LEMD3: variants seen among roughly 807,000 people sequenced by gnomAD.
LEMD3 encodes LEM domain containing 3, also known as inner nuclear membrane protein Man1.
Under a neutral mutation model 95.2 loss-of-function variants are expected in LEMD3, and 33 were observed. The observed-to-expected ratio is 0.35, with a 90% CI of 0.26 to 0.46. LEMD3 has a LOEUF of 0.46. Ranked by LOEUF, LEMD3 falls within the 20% of genes least tolerant of loss-of-function variation. The pLI is 1.00. For missense variants in LEMD3, 1,210 were observed against 1,192.8 expected (o/e 1.01, Z -0.21); for synonymous variants, 525 against 474.6 (o/e 1.11, Z -1.38).
intron 1 of LEMD3, among the ~76,000 whole-genome samples, chr12:65,172,826 A>G (rs548293366): frequency 2.0e-4 from 30 of 151,850 alleles, no homozygotes; most frequent in Admixed American, 6.6e-4. Context: ...CCTGGGTTCA[A>G]GTGATTCTCC....
chr12:65,192,653 A>G (rs1057139718), intron 1 of LEMD3, among the ~76,000 whole-genome samples: 1 of 152,132 alleles, frequency 6.6e-6, no homozygotes, highest in Non-Finnish European at 1.5e-5. Flanking sequence ...TTTTAGAAGC[A>G]TGTGCTTCTT....
chr12:65,244,982 A>G (rs540787910), intron 10 of LEMD3, among the ~76,000 whole-genome samples: 6 of 152,244 alleles, frequency 3.9e-5, no homozygotes, highest in Non-Finnish European at 7.4e-5. Context: ...TACAACTTTA[A>G]TAAGTTCACA....
chr12:65,219,760 C>T (rs1262225575), intron 4 of LEMD3, among the ~76,000 whole-genome samples: 3 of 152,138 alleles, frequency 2.0e-5, no homozygotes, highest in African/African-American at 7.2e-5. Flanking sequence ...TTTCTTCCTC[C>T]ATCAGTGTGA....
In LEMD3 at chr12:65,240,189, T is replaced by C. The variant is rs1258401589; in HGVS notation, c.2077T>C (p.Tyr693His). The stretch of plus-strand genomic sequence containing the variant: ...CCAGGAAAACAAAGATTTACAACCT[T>C]ACATGCCTATTCCACATGTACGCGA... ...ACQENKDLQP[Y>H]MPIPHVRDSL... Residue 693 changes from tyrosine to histidine, a missense_variant, in exon 8 of 13, where the codon TAC (tyrosine) becomes CAC (histidine). Tyr to His is a moderately conservative substitution (Grantham distance 83). Transcript: ENST00000308330. 6.2e-7 allele frequency: 1 copy of C among 1,613,806 alleles called. No individual in the cohort carries two copies. The highest frequency in any genetic ancestry group is 8.5e-7 in the Non-Finnish European group (1 of 1,179,864).
intron 4 of LEMD3, among the ~76,000 whole-genome samples, chr12:65,225,937 G>A (rs1004731937): frequency 6.6e-6 from 1 of 152,122 alleles, no homozygotes; most frequent in Non-Finnish European, 1.5e-5. Flanking sequence ...AGTCCTATCC[G>A]CATTTTGAAT....
chr12:65,248,048 A>C lies in LEMD3; in HGVS notation c.*1723A>C, dbSNP rs1871168463. The C allele has an allele frequency of 6.6e-6, 1 of 152,534 alleles. No individual in the cohort carries two copies. Among genetic ancestry groups the C allele is most frequent in the Non-Finnish European group, 1.5e-5 (1 of 68,004 alleles). 9.4% of individuals were successfully genotyped at this position (152,534 alleles called of 1,614,324 possible). A position where few individuals can be genotyped will look rare whatever the true frequency, so the allele number is the denominator to read the frequency against. On this transcript the variant is annotated 3_prime_UTR_variant, in exon 13 of 13. Coordinates refer to ENST00000308330, the MANE Select transcript of LEMD3 (RefSeq NM_014319.5). The stretch of plus-strand genomic sequence containing the variant: ...CCTGTTGCAAGAGTGAATGTAAAAA[A>C]TAGTTGTGGCATTTTAAAAGGTCGC...
chr12:65,234,936 T>C (rs997214400), intron 4 of LEMD3, among the ~76,000 whole-genome samples: 5 of 152,196 alleles, frequency 3.3e-5, no homozygotes, highest in African/African-American at 1.2e-4. Flanking sequence ...CTGAAACTTA[T>C]GTTTATAGTC....
In LEMD3 at chr12:65,169,685, C is replaced by T; in HGVS notation, c.89C>T (p.Pro30Leu). ...CGCCGTTACGGCCTGTCTCCCGGAC[C>T]AGTGACGGAGAGCACCCGCCCGGTC... ...QLRRYGLSPG[P>L]VTESTRPVYL... Residue 30 changes from proline to leucine, a missense_variant, in exon 1 of 13, where the codon CCA becomes CTA. Coordinates refer to ENST00000308330, the MANE Select transcript of LEMD3 (RefSeq NM_014319.5). The T allele has an allele frequency of 6.3e-7, 1 of 1,586,256 alleles. No homozygotes were observed. Among genetic ancestry groups the T allele is most frequent in the Non-Finnish European group, 8.6e-7 (1 of 1,167,048 alleles).
At chr12:65,185,209 T>A (rs1433872103) in intron 1 of LEMD3, among the ~76,000 whole-genome samples, 1 of 152,128 alleles carries the variant, frequency 6.6e-6, no homozygotes, top group African/African-American at 2.4e-5. Flanking sequence ...TCATAAAAAT[T>A]GTATGATTTT....
intron 1 of LEMD3, among the ~76,000 whole-genome samples, chr12:65,190,756 C>G (rs977855054): frequency 3.3e-5 from 5 of 152,162 alleles, no homozygotes; most frequent in East Asian, 3.9e-4. Flanking sequence ...AATAAACTTT[C>G]AAAATTGATT....
At chr12:65,202,788 T>C (rs1776446203) in intron 1 of LEMD3, among the ~76,000 whole-genome samples, 1 of 152,206 alleles carries the variant, frequency 6.6e-6, no homozygotes, top group Admixed American at 6.5e-5. Context: ...AGATTGTGTC[T>C]TTCGAGGAAT....
At chr12:65,212,164 T>C (rs1398859312) in intron 2 of LEMD3, among the ~76,000 whole-genome samples, 1 of 151,962 alleles carries the variant, frequency 6.6e-6, no homozygotes, top group Non-Finnish European at 1.5e-5. Flanking sequence ...CCATCAGATC[T>C]CACGAGACTT....
At chr12:65,208,607 T>G (rs1869834733) in intron 1 of LEMD3, among the ~76,000 whole-genome samples, 1 of 152,140 alleles carries the variant, frequency 6.6e-6, no homozygotes, top group African/African-American at 2.4e-5. Flanking sequence ...CTGAAATGAT[T>G]TGGGGAAAGA....
chr12:65,246,847 A>G lies in LEMD3; in HGVS notation c.*522A>G, dbSNP rs1331005497. 6.2e-6 allele frequency: 1 copy of G among 160,148 alleles called. No homozygotes were observed. Among genetic ancestry groups the G allele is most frequent in the Non-Finnish European group, 1.4e-5 (1 of 72,992 alleles). The allele number at this position is 160,148 out of a possible 1,614,324, so 9.9% of individuals were successfully genotyped here. On this transcript the variant is annotated 3_prime_UTR_variant, in exon 13 of 13. Transcript: ENST00000308330. ...AATATGGGAAAATTAATTTGGGCTT[A>G]GTGGTTACAAATATGTGTAAGTGGA...
chr12:65,216,677 G>A (rs1052276884), intron 3 of LEMD3, among the ~76,000 whole-genome samples: 1 of 149,636 alleles, frequency 6.7e-6, no homozygotes, highest in Admixed American at 6.7e-5. Context: ...TTGGATTCTT[G>A]TAAGCAGGCA....
intron 4 of LEMD3, 54 bp downstream of exon 4, chr12:65,218,673 C>T: frequency 1.0e-6 from 1 of 972,102 alleles, no homozygotes; most frequent in South Asian, 1.4e-5. Flanking sequence ...TTATATAAAT[C>T]ATTGCTACTT....
intron 4 of LEMD3, among the ~76,000 whole-genome samples, chr12:65,221,725 G>C (rs946840243): frequency 6.7e-6 from 1 of 149,166 alleles, no homozygotes; most frequent in Non-Finnish European, 1.5e-5. Flanking sequence ...TGATCTTAGA[G>C]GAAAATCTCT....
At chr12:65,173,506 T>C (rs1457732456) in intron 1 of LEMD3, among the ~76,000 whole-genome samples, 1 of 151,310 alleles carries the variant, frequency 6.6e-6, no homozygotes, top group Non-Finnish European at 1.5e-5. Context: ...TCTGAATGAC[T>C]GTGGTCAAGC....
chr12:65,238,584 A>G lies in LEMD3; in HGVS notation c.1775+3A>G. On this transcript the variant is annotated splice_donor_region_variant and intron_variant, in intron 5 of 12. Transcript: ENST00000308330. ...AATGGAAAAGATGTTGGAATAAGGTAAAGGATCTGATTTCCACTTTGACCA... is the reference window on the plus strand; with the variant it reads ...AATGGAAAAGATGTTGGAATAAGGTGAAGGATCTGATTTCCACTTTGACCA... The G allele has an allele frequency of 6.2e-7, 1 of 1,611,634 alleles. No individual in the cohort carries two copies. Among genetic ancestry groups the G allele is most frequent in the Non-Finnish European group, 8.5e-7 (1 of 1,177,740 alleles).
Sources: gnomAD v4.1 joint callset for allele counts (sites outside exome capture counted in the v4.1 genomes callset) on GRCh38, gnomAD v4.1.1 for gene constraint, MANE v1.5 for transcripts, NCBI Gene and HGNC (gene_info 2026-07-23, HGNC 2026-07-21) for gene names.